CNTNAP2: variants seen among roughly 807,000 people sequenced by gnomAD.
CNTNAP2 encodes contactin associated protein 2, also known as contactin-associated protein-like 2.
CNTNAP2 carries 98 observed loss-of-function variants against 155.2 expected under a neutral mutation model. The ratio of observed to expected loss-of-function variants is 0.63; its 90% CI spans 0.54 to 0.75. The LOEUF is 0.75. CNTNAP2 is among the 30% of genes least tolerant of loss of function. The pLI is 0.00. For missense variants in CNTNAP2, 1,727 were observed against 1,688.1 expected (o/e 1.02, Z -0.40); for synonymous variants, 651 against 631.2 (o/e 1.03, Z -0.47).
Position 148,416,734 on chromosome 7 carries a change from T to C in CNTNAP2, c.*1118T>C, listed in dbSNP as rs1800001844. ...GATGATATGGAAAACACTGCCATAT[T>C]TTAAATCAACTACTCCACGTGTTTT... is the stretch of plus-strand genomic sequence containing the variant. On this transcript the variant is annotated 3_prime_UTR_variant, in exon 24 of 24. Transcript: ENST00000361727. The C allele has an allele frequency of 6.5e-6, 1 of 152,676 alleles. No individual in the cohort carries two copies. Among genetic ancestry groups the C allele is most frequent in the Non-Finnish European group, 1.5e-5 (1 of 68,044 alleles). The allele number at this position is 152,676 out of a possible 1,614,324, so 9.5% of individuals were successfully genotyped here. A position where few individuals can be genotyped will look rare whatever the true frequency, so the allele number is the denominator to read the frequency against.
At chr7:147,125,024 G>T (rs923565143) in intron 6 of CNTNAP2, among the ~76,000 whole-genome samples, 5 of 151,690 alleles carry the variant, frequency 3.3e-5, no homozygotes, top group East Asian at 3.9e-4. Flanking sequence ...GGGACTACAG[G>T]CACCTGCCAC....
chr7:147,740,423 G>A (rs549034179), intron 13 of CNTNAP2, among the ~76,000 whole-genome samples: 4 of 152,258 alleles, frequency 2.6e-5, no homozygotes, highest in East Asian at 1.9e-4. Flanking sequence ...CAGCTCGTTC[G>A]CTGACACTGC....
chr7:146,386,250 C>G (rs1795458883), intron 1 of CNTNAP2, among the ~76,000 whole-genome samples: 1 of 152,138 alleles, frequency 6.6e-6, no homozygotes, highest in Non-Finnish European at 1.5e-5. Flanking sequence ...CTCCATTTGT[C>G]CCATTATAGA....
At chr7:148,046,239 C>G (rs1411580386) in intron 15 of CNTNAP2, among the ~76,000 whole-genome samples, 4 of 152,078 alleles carry the variant, frequency 2.6e-5, no homozygotes, top group African/African-American at 4.8e-5. Flanking sequence ...AGCCATTGTG[C>G]CCAGCCAGTA....
chr7:147,070,215 C>T (rs1799863641), intron 4 of CNTNAP2, among the ~76,000 whole-genome samples: 1 of 152,154 alleles, frequency 6.6e-6, no homozygotes, highest in South Asian at 2.1e-4. Flanking sequence ...TCTACAATCT[C>T]AGAGGGAAAT....
At chr7:147,109,507 T>C (rs1169612248) in intron 5 of CNTNAP2, among the ~76,000 whole-genome samples, 1 of 152,100 alleles carries the variant, frequency 6.6e-6, no homozygotes, top group Non-Finnish European at 1.5e-5. Context: ...TATATGAGAC[T>C]GAGAGAGGAA....
At chr7:148,052,635 T>A (rs2116496975) in intron 15 of CNTNAP2, among the ~76,000 whole-genome samples, 1 of 152,354 alleles carries the variant, frequency 6.6e-6, no homozygotes, top group East Asian at 1.9e-4. Context: ...TTTTACAGAT[T>A]ATTTGTCATA....
intron 8 of CNTNAP2, among the ~76,000 whole-genome samples, chr7:147,286,517 C>G (rs889527628): frequency 6.6e-6 from 1 of 151,822 alleles, no homozygotes; most frequent in African/African-American, 2.4e-5. Context: ...GAAAAATAAT[C>G]TGAAAAGCAT....
At chr7:146,520,870 A>G (rs1259131230) in intron 1 of CNTNAP2, among the ~76,000 whole-genome samples, 1 of 151,890 alleles carries the variant, frequency 6.6e-6, no homozygotes, top group African/African-American at 2.4e-5. Context: ...AAAGTAGACA[A>G]TGCTGAGCTC....
At chr7:146,531,409 C>T (rs1407069072) in intron 1 of CNTNAP2, among the ~76,000 whole-genome samples, 2 of 151,998 alleles carry the variant, frequency 1.3e-5, no homozygotes, top group Non-Finnish European at 2.9e-5. Flanking sequence ...CCAAAGGAAA[C>T]CTATGGAAGT....
chr7:147,802,584 G>A (rs1294878347), intron 13 of CNTNAP2, among the ~76,000 whole-genome samples: 1 of 152,148 alleles, frequency 6.6e-6, no homozygotes, highest in Non-Finnish European at 1.5e-5. Context: ...GACCAGCCCG[G>A]CCAACACAGC....
intron 9 of CNTNAP2, among the ~76,000 whole-genome samples, chr7:147,345,841 A>T (rs866129939): frequency 6.6e-6 from 1 of 152,282 alleles, no homozygotes; most frequent in African/African-American, 2.4e-5. Flanking sequence ...GTCAGTGAGC[A>T]TGTAGGAGCA....
intron 7 of CNTNAP2, among the ~76,000 whole-genome samples, chr7:147,131,382 C>A (rs999239868): frequency 1.1e-4 from 16 of 151,744 alleles, no homozygotes; most frequent in African/African-American, 3.9e-4. Context: ...AAGTTAGAAG[C>A]AAATACAGAT....
chr7:146,737,067 T>G (rs1276418511), intron 1 of CNTNAP2, among the ~76,000 whole-genome samples: 1 of 152,140 alleles, frequency 6.6e-6, no homozygotes, highest in Non-Finnish European at 1.5e-5. Context: ...TGATTATTAT[T>G]TACGTGATAC....
chr7:148,414,109 C>T (rs1317373583), intron 23 of CNTNAP2, among the ~76,000 whole-genome samples: 2 of 143,054 alleles, frequency 1.4e-5, no homozygotes, highest in South Asian at 2.3e-4. Context: ...TCCCCCCCCC[C>T]CCCCTCACAC....
chr7:146,473,321 T>G (rs1262227266), intron 1 of CNTNAP2, among the ~76,000 whole-genome samples: 2 of 152,184 alleles, frequency 1.3e-5, no homozygotes, highest in African/African-American at 4.8e-5. Context: ...AGGTGATGTC[T>G]AGGCAGAATG....
intron 13 of CNTNAP2, among the ~76,000 whole-genome samples, chr7:147,725,184 T>C (rs1026970717): frequency 6.6e-6 from 1 of 151,944 alleles, no homozygotes; most frequent in African/African-American, 2.4e-5. Flanking sequence ...GTGCAAAATA[T>C]TCAGATTTTG....
intron 1 of CNTNAP2, among the ~76,000 whole-genome samples, chr7:146,519,571 A>G (rs1797588437): frequency 6.6e-6 from 1 of 151,962 alleles, no homozygotes; most frequent in Admixed American, 6.6e-5. Flanking sequence ...AAAGAGGTTA[A>G]AAAGTTCTCT....
intron 3 of CNTNAP2, among the ~76,000 whole-genome samples, chr7:146,906,996 G>T (rs566837241): frequency 2.7e-5 from 4 of 149,840 alleles, no homozygotes; most frequent in Non-Finnish European, 5.9e-5. Context: ...CGAGAACTAC[G>T]TGAAGAATGC....
Sources: allele counts gnomAD v4.1 joint callset (sites outside exome capture counted in the v4.1 genomes callset), GRCh38; gene constraint gnomAD v4.1.1; transcripts MANE v1.5; gene names NCBI Gene and HGNC (gene_info 2026-07-23, HGNC 2026-07-21).